KIAA0319: variants seen among roughly 807,000 people sequenced by gnomAD.
The protein encoded by KIAA0319 is dyslexia-associated protein KIAA0319.
A neutral mutation model predicts 108.4 loss-of-function variants in KIAA0319; 83 were observed. That is an observed-to-expected ratio of 0.77 (90% CI 0.64 to 0.92). The LOEUF (loss-of-function observed/expected upper bound fraction) is 0.92. Ranked by LOEUF, KIAA0319 falls within the 40% of genes least tolerant of loss-of-function variation. The probability of loss-of-function intolerance (pLI) is 0.00; values close to 1 mark genes in which losing one functional copy is unlikely to be tolerated. For missense variants in KIAA0319, 1,195 were observed against 1,322.4 expected (o/e 0.90, Z 1.49); for synonymous variants, 484 against 510.4 (o/e 0.95, Z 0.70).
At chr6:24,542,225 C>A (rs1760217636), downstream of KIAA0319, among the ~76,000 whole-genome samples, 1 of 152,216 alleles carries the variant, frequency 6.6e-6, no homozygotes, top group Non-Finnish European at 1.5e-5. Flanking sequence ...CTTTACTTAG[C>A]CTAGTATTTG....
chr6:24,609,273 C>CAAAAAAAAAAAAAAA (rs886616830), intron 1 of KIAA0319, among the ~76,000 whole-genome samples: 48 of 73,736 alleles, frequency 6.5e-4, no homozygotes, highest in Non-Finnish European at 8.3e-4. Context: ...GTCTCAAAAA[C>CAAAAAAAAAAAAAAA]AAAAAAAAAA....
chr6:24,624,863 C>T (rs9467240), intron 1 of KIAA0319, among the ~76,000 whole-genome samples: 1,904 of 152,296 alleles, frequency 0.013, 56 homozygotes, highest in African/African-American at 0.037. Context: ...ACCTGGAGTG[C>T]GGTGCCACAT....
intron 1 of KIAA0319, among the ~76,000 whole-genome samples, chr6:24,624,160 G>A (rs1451472881): frequency 1.3e-5 from 2 of 148,320 alleles, no homozygotes; most frequent in Non-Finnish European, 3.0e-5. Flanking sequence ...GAGTAACTGG[G>A]ACAACAGGTG....
chr6:24,576,373 T>A lies in KIAA0319; in HGVS notation c.1729A>T (p.Met577Leu), dbSNP rs150824948. The A allele has an allele frequency of 6.2e-7, 1 of 1,613,720 alleles. No homozygotes were observed. The highest frequency in any genetic ancestry group is 8.5e-7 in the Non-Finnish European group (1 of 1,179,728). ...AGGCAGGATGGAGAACTTGCCTGCA[T>A]GACCACATGTTTGCCCTCACTCCCA... ...GPGSEGKHVV[M>L]QGVQTPYLHL... The change falls in exon 10 of 21, where the codon ATG becomes TTG. Residue 577 changes from methionine to leucine, a missense_variant. Met to Leu is a conservative substitution (Grantham distance 15). Transcript: ENST00000378214.
chr6:24,594,636 A>AAAC (rs1554164505), intron 3 of KIAA0319, among the ~76,000 whole-genome samples: 18 of 88,810 alleles, frequency 2.0e-4, no homozygotes, highest in Non-Finnish European at 3.6e-4. Flanking sequence ...CACAAAAAAA[A>AAAC]AACAACAAAA....
intron 1 of KIAA0319, among the ~76,000 whole-genome samples, chr6:24,634,353 T>A (rs1326510184): frequency 6.6e-6 from 1 of 152,236 alleles, no homozygotes; most frequent in Non-Finnish European, 1.5e-5. Flanking sequence ...CTGTAGTCTC[T>A]TTTTCTGTCA....
chr6:24,588,532 C>T, intron 4 of KIAA0319, 61 bp downstream of exon 4: 2 of 1,451,610 alleles, frequency 1.4e-6, no homozygotes, highest in South Asian at 1.2e-5. Context: ...AAAGTTGTCA[C>T]CACCAAATTC....
intron 13 of KIAA0319, among the ~76,000 whole-genome samples, chr6:24,567,130 A>C (rs980688265): frequency 6.6e-6 from 1 of 152,094 alleles, no homozygotes; most frequent in African/African-American, 2.4e-5. Context: ...GGTCCACACT[A>C]TCTGGCCAGA....
intron 1 of KIAA0319, among the ~76,000 whole-genome samples, chr6:24,621,504 T>C (rs574240703): frequency 5.3e-5 from 8 of 152,086 alleles, no homozygotes; most frequent in East Asian, 1.9e-4. Flanking sequence ...TGGGAGGAAA[T>C]TGGCATCATT....
At position 24,577,033 on chromosome 6, in the gene KIAA0319, G is replaced by C. The variant is rs568100686; in HGVS notation, c.1506-437C>G. Among the ~76,000 whole-genome samples, 13 of 152,298 alleles carry C rather than the reference G, an allele frequency of 8.5e-5. No individual in the cohort carries two copies. The South Asian group carries it at 2.5e-3, about 29-fold the overall frequency. Reference sequence around the variant, plus strand: ...TGCTCATGGAACAGTTCTCGGAACAGGTAAAAATAGAAATTTAAGGATGAA... The same window carrying C: ...TGCTCATGGAACAGTTCTCGGAACACGTAAAAATAGAAATTTAAGGATGAA... On this transcript the variant is annotated intron_variant, in intron 9 of 20. Coordinates refer to ENST00000378214, the MANE Select transcript of KIAA0319 (RefSeq NM_014809.4).
chr6:24,628,528 CT>C (rs533135689), intron 1 of KIAA0319, among the ~76,000 whole-genome samples: 55 of 149,834 alleles, frequency 3.7e-4, no homozygotes, highest in South Asian at 4.2e-4. Flanking sequence ...TTCTTTCTTT[CT>C]TTTTTTTTTT....
chr6:24,553,294 T>TATATATATATATATATATATATATAC (rs1554142428), intron 19 of KIAA0319, among the ~76,000 whole-genome samples: 3 of 91,072 alleles, frequency 3.3e-5, no homozygotes, highest in African/African-American at 4.8e-5. Flanking sequence ...TATATATATA[T>TATATATATATATATATATATATATAC]ACACACACAC....
intron 6 of KIAA0319, among the ~76,000 whole-genome samples, chr6:24,581,612 C>G (rs761529657): frequency 6.6e-6 from 1 of 152,058 alleles, no homozygotes; most frequent in African/African-American, 2.4e-5. Flanking sequence ...AGAGATGTGC[C>G]GGACTGAGAA....
intron 16 of KIAA0319, among the ~76,000 whole-genome samples, chr6:24,560,678 G>A (rs1195291638): frequency 6.6e-6 from 1 of 152,168 alleles, no homozygotes; most frequent in Non-Finnish European, 1.5e-5. Context: ...CTTGGCTTGT[G>A]GAAGAATCTC....
intron 20 of KIAA0319, among the ~76,000 whole-genome samples, chr6:24,550,306 C>G (rs1489710372): frequency 6.6e-6 from 1 of 152,244 alleles, no homozygotes; most frequent in Admixed American, 6.5e-5. Flanking sequence ...CAGGGCCTAA[C>G]CCGGTGCCTG....
downstream of KIAA0319, among the ~76,000 whole-genome samples, chr6:24,540,214 A>G (rs1339548068): frequency 3.5e-5 from 3 of 85,210 alleles, no homozygotes; most frequent in Non-Finnish European, 8.3e-5. Context: ...AACCAGTAGC[A>G]TAGTCACTTA....
Position 24,578,224 on chromosome 6 carries a change from T to G in KIAA0319, c.1391A>C (p.Glu464Ala). The G allele has an allele frequency of 5.6e-6, 9 of 1,601,774 alleles. No homozygotes were observed. In the African/African-American group the frequency reaches 9.4e-5, roughly 17 times the overall value. The change falls in exon 9 of 21, where the codon GAA becomes GCA. Residue 464 changes from glutamate to alanine, a missense_variant. By Grantham distance (107) the Glu-to-Ala change is moderately radical. Coordinates refer to ENST00000378214, the MANE Select transcript of KIAA0319 (RefSeq NM_014809.4). Reference sequence around the variant, plus strand: ...TTCTTCCCAATGATAACTCACTATTTCAGTATCATCTGTACTTTCTACAAG... The same window carrying G: ...TTCTTCCCAATGATAACTCACTATTGCAGTATCATCTGTACTTTCTACAAG... The part of the protein sequence containing the change: ...IDGSQSTDDT[E>A]IVSYHWEEIN...
intron 1 of KIAA0319, among the ~76,000 whole-genome samples, chr6:24,628,532 T>C (rs6917068): frequency 0.7 from 106,206 of 151,238 alleles, 37,702 homozygotes; most frequent in East Asian, 0.87. Context: ...TTCTTTCTTT[T>C]TTTTTTTTAA....
intron 1 of KIAA0319, among the ~76,000 whole-genome samples, chr6:24,631,275 G>A (rs2127587378): frequency 6.6e-6 from 1 of 152,320 alleles, no homozygotes; most frequent in African/African-American, 2.4e-5. Context: ...CTTCAGCGGT[G>A]AATGCAGGCC....
Sources: allele counts gnomAD v4.1 joint callset (sites outside exome capture counted in the v4.1 genomes callset), GRCh38; gene constraint gnomAD v4.1.1; transcripts MANE v1.5; gene names NCBI Gene and HGNC (gene_info 2026-07-23, HGNC 2026-07-21).